The following ABCD3 variants were observed in gnomAD, a reference collection of about 807,000 sequenced individuals.
ABCD3 encodes ATP binding cassette subfamily D member 3, also known as ATP-binding cassette sub-family D member 3.
ABCD3 carries 41 observed loss-of-function variants against 105.5 expected under a neutral mutation model. That is an observed-to-expected ratio of 0.39 (90% CI 0.30 to 0.50). ABCD3 has a LOEUF of 0.50. ABCD3 is among the 20% of genes least tolerant of loss of function. The pLI is 0.84. For missense variants in ABCD3, 622 were observed against 806.3 expected (o/e 0.77, Z 2.77); for synonymous variants, 258 against 269.0 (o/e 0.96, Z 0.40).
chr1:94,458,418 G>A (rs1159234865), intron 1 of ABCD3, among the ~76,000 whole-genome samples, 189 bp from the exon 2 acceptor site: 1 of 152,094 alleles, frequency 6.6e-6, no homozygotes, highest in Non-Finnish European at 1.5e-5. Flanking sequence ...AATTTATTAA[G>A]CACTTTTTGT....
intron 16 of ABCD3, among the ~76,000 whole-genome samples, chr1:94,494,323 G>T (rs887969269): frequency 2.0e-5 from 3 of 152,054 alleles, no homozygotes; most frequent in African/African-American, 4.8e-5. Flanking sequence ...ACTTCCTGGT[G>T]TTTATCCTGT....
intron 1 of ABCD3, among the ~76,000 whole-genome samples, chr1:94,453,323 CTT>C (rs766404829): frequency 1.0e-4 from 14 of 135,388 alleles, no homozygotes; most frequent in Non-Finnish European, 8.1e-5. Context: ...TTATATTTTT[CTT>C]TTTTTTTTTT....
At chr1:94,473,912 TA>T in intron 5 of ABCD3, 77 bp downstream of exon 5, 1 of 1,129,202 alleles carries the variant, frequency 8.9e-7, no homozygotes, top group East Asian at 2.5e-5. Flanking sequence ...TTTTACTTAT[TA>T]AATTCTTTAA....
At chr1:94,424,173 G>A (rs1304281126) in intron 1 of ABCD3, among the ~76,000 whole-genome samples, 1 of 152,200 alleles carries the variant, frequency 6.6e-6, no homozygotes, top group Non-Finnish European at 1.5e-5. Flanking sequence ...GCAGTGTTCT[G>A]AGAACTGTGT....
At chr1:94,486,181 G>C (rs1344730205) in intron 10 of ABCD3, among the ~76,000 whole-genome samples, 1 of 152,106 alleles carries the variant, frequency 6.6e-6, no homozygotes, top group Admixed American at 6.5e-5. Context: ...GACAGAGTGA[G>C]ACTCTGTCTC....
At chr1:94,387,184 G>T in the ABCD3 span, among the ~76,000 whole-genome samples, 1 of 152,076 alleles carries the variant, frequency 6.6e-6, no homozygotes, top group Admixed American at 6.6e-5. Context: ...CAAGTGCCTG[G>T]GTGTGTGTTC....
At chr1:94,484,805 T>G (rs1173587914) in intron 10 of ABCD3, among the ~76,000 whole-genome samples, 3 of 151,980 alleles carry the variant, frequency 2.0e-5, no homozygotes, top group Admixed American at 6.6e-5. Context: ...AAAAAAAAAA[T>G]TAAGTGTATT....
chr1:94,517,212 T>G lies in ABCD3; in HGVS notation c.*83T>G, dbSNP rs1258817676. On this transcript the variant is annotated 3_prime_UTR_variant, in exon 23 of 23. Coordinates refer to ENST00000370214, the MANE Select transcript of ABCD3 (RefSeq NM_002858.4). ...GGCAAAGTACATTGTAAAATAAAGT[T>G]GAGCTTAGTTTTTTTTAAAAAAAAA... 9.4e-7 allele frequency: 1 copy of G among 1,067,106 alleles called. No individual in the cohort carries two copies. Among genetic ancestry groups the G allele is most frequent in the Non-Finnish European group, 1.4e-6 (1 of 698,052 alleles). 66.1% of individuals were successfully genotyped at this position (1,067,106 alleles called of 1,614,324 possible).
intron 1 of ABCD3, among the ~76,000 whole-genome samples, chr1:94,437,804 A>C (rs1659960951): frequency 6.6e-6 from 1 of 152,216 alleles, no homozygotes; most frequent in African/African-American, 2.4e-5. Flanking sequence ...CATTAAGAAC[A>C]TTTGTGGTTC....
intron 10 of ABCD3, among the ~76,000 whole-genome samples, chr1:94,485,895 A>G (rs1274797091): frequency 1.3e-5 from 2 of 152,186 alleles, no homozygotes; most frequent in Non-Finnish European, 2.9e-5. Context: ...GAGATGACTT[A>G]AAGTGTTTGG....
the ABCD3 span, among the ~76,000 whole-genome samples, chr1:94,402,478 C>T: frequency 2.0e-5 from 3 of 152,084 alleles, no homozygotes; most frequent in Admixed American, 2.0e-4. Flanking sequence ...AGGCTCTTTA[C>T]TCCTAAGAAG....
At chr1:94,392,603 G>A in the ABCD3 span, among the ~76,000 whole-genome samples, 2 of 152,168 alleles carry the variant, frequency 1.3e-5, no homozygotes, top group East Asian at 1.9e-4. Context: ...CAGAGGGCAT[G>A]TGATTGTACC....
intron 3 of ABCD3, among the ~76,000 whole-genome samples, chr1:94,466,845 G>A (rs550255892): frequency 6.6e-6 from 1 of 152,326 alleles, no homozygotes; most frequent in Admixed American, 6.5e-5. Context: ...GAATTAGTAA[G>A]GGAGGTAGAA....
At chr1:94,399,305 C>T in the ABCD3 span, among the ~76,000 whole-genome samples, 1 of 152,170 alleles carries the variant, frequency 6.6e-6, no homozygotes, top group Non-Finnish European at 1.5e-5. Flanking sequence ...AAGTAATGCA[C>T]ACACATTTTT....
At position 94,517,219 on chromosome 1, in the gene ABCD3, A is replaced by G; in HGVS notation, c.*90A>G. 2 of 993,848 alleles carry G rather than the reference A, an allele frequency of 2.0e-6. No individual in the cohort carries two copies. The highest frequency in any genetic ancestry group is 4.9e-5 in the East Asian group (2 of 41,080). The allele number at this position is 993,848 out of a possible 1,614,324, so 61.6% of individuals were successfully genotyped here. A position where few individuals can be genotyped will look rare whatever the true frequency, so the allele number is the denominator to read the frequency against. On this transcript the variant is annotated 3_prime_UTR_variant, in exon 23 of 23. Transcript: ENST00000370214. ...TACATTGTAAAATAAAGTTGAGCTT[A>G]GTTTTTTTTAAAAAAAAAAACAAAG...
Position 94,518,542 on chromosome 1 carries a change from G to C in ABCD3, c.*1413G>C, listed in dbSNP as rs1408201140. On this transcript the variant is annotated 3_prime_UTR_variant, in exon 23 of 23. Coordinates refer to ENST00000370214, the MANE Select transcript of ABCD3 (RefSeq NM_002858.4). ...CAGATATCCTATACAACCTTTGCTTGTTCTTTTTATTCTGGTATCTAAATA... is the reference window on the plus strand; with the variant it reads ...CAGATATCCTATACAACCTTTGCTTCTTCTTTTTATTCTGGTATCTAAATA... The C allele has an allele frequency of 6.8e-6, 1 of 147,494 alleles. No individual in the cohort carries two copies. Among genetic ancestry groups the C allele is most frequent in the East Asian group, 2.0e-4 (1 of 5,030 alleles). The allele number at this position is 147,494 out of a possible 1,614,324, so 9.1% of individuals were successfully genotyped here. A position where few individuals can be genotyped will look rare whatever the true frequency, so the allele number is the denominator to read the frequency against.
chr1:94,482,839 C>G, intron 9 of ABCD3: 1 of 295,080 alleles, frequency 3.4e-6, no homozygotes, highest in African/African-American at 2.2e-5. Flanking sequence ...CAATGTTGGT[C>G]CCAGCCCTGC....
chr1:94,475,086 T>C (rs1484366155), intron 5 of ABCD3, 57 bp from the exon 6 acceptor site: 1 of 1,069,116 alleles, frequency 9.4e-7, no homozygotes, highest in South Asian at 1.4e-5. Context: ...AAATAAATTA[T>C]AGTTTAGTAA....
At chr1:94,496,694 G>GTT (rs71094302) in intron 16 of ABCD3, among the ~76,000 whole-genome samples, 561 of 39,360 alleles carry the variant, frequency 0.014, 98 homozygotes, top group South Asian at 0.021. Flanking sequence ...CCTTGTTTCT[G>GTT]TTTTTTTTTT....
Sources: gnomAD v4.1 joint callset for allele counts (sites outside exome capture counted in the v4.1 genomes callset) on GRCh38, gnomAD v4.1.1 for gene constraint, MANE v1.5 for transcripts, NCBI Gene and HGNC (gene_info 2026-07-23, HGNC 2026-07-21) for gene names.